The following ZFP37 variants were observed in gnomAD, a reference collection of about 807,000 sequenced individuals.
The protein encoded by ZFP37 is ZFP37 zinc finger protein.
Under a neutral mutation model 52.1 loss-of-function variants are expected in ZFP37, and 38 were observed. The observed-to-expected ratio is 0.73, with a 90% CI of 0.56 to 0.96. The LOEUF (loss-of-function observed/expected upper bound fraction) is 0.96, where lower values mean the gene tolerates loss of function less well. ZFP37 is among the 40% of genes least tolerant of loss of function. The pLI is 0.00. For synonymous variants in ZFP37, 253 were observed against 259.5 expected (o/e 0.98, Z 0.24); for missense variants, 695 against 741.4 (o/e 0.94, Z 0.73).
Position 113,042,745 on chromosome 9 carries a change from C to A in ZFP37, c.1873G>T (p.Glu625Ter). 1 of 1,573,092 alleles carries A rather than the reference C, an allele frequency of 6.4e-7. No homozygotes were observed. Among genetic ancestry groups the A allele is most frequent in the South Asian group, 1.2e-5 (1 of 84,380 alleles). Residue 625 changes from glutamate (E) to a stop codon, truncating the protein, a stop_gained, in exon 4 of 4, where the codon GAA becomes TAA. Transcript: ENST00000374227. LOFTEE classifies it high-confidence loss of function. Reference sequence around the variant, plus strand: ...TAACTTCACTCATGAGATTTATCTTCTGAATGAGTTTTCACATGTTTGGTT... The same window carrying A: ...TAACTTCACTCATGAGATTTATCTTATGAATGAGTTTTCACATGTTTGGTT... ...SLTKHVKTHS[E>*]DKSHE
Position 113,043,116 on chromosome 9 carries a change from C to G in ZFP37, c.1502G>C (p.Ser501Thr), listed in dbSNP as rs769637301. ...CNECGKAFGH[S>T]SSLTYHMRTH... The stretch of plus-strand genomic sequence containing the variant: ...TCTCATATGGTAAGTAAGAGATGAG[C>G]TATGTCCAAAGGCTTTTCCACACTC... Residue 501 changes from serine (S) to threonine (T), a missense_variant, in exon 4 of 4, where the codon AGC (serine) becomes ACC (threonine). Ser to Thr is a moderately conservative substitution (Grantham distance 58). Around this residue, in one of 2 missense-constraint regions of ZFP37, gnomAD observed 326 missense variants for 400.5 expected, o/e 0.81. Transcript: ENST00000374227. 2 of 1,613,584 alleles carry G rather than the reference C, an allele frequency of 1.2e-6. No individual in the cohort carries two copies. Among genetic ancestry groups the G allele is most frequent in the Non-Finnish European group, 1.7e-6 (2 of 1,179,924 alleles).
At chr9:113,049,946 A>T in intron 1 of ZFP37, 74 bp from the exon 2 acceptor site, 1 of 1,604,132 alleles carries the variant, frequency 6.2e-7, no homozygotes, top group Non-Finnish European at 8.5e-7. Context: ...GTTCATGCTA[A>T]TGTTATCCAC....
chr9:113,042,952 G>A lies in ZFP37; in HGVS notation c.1666C>T (p.Gln556Ter). ...ECNECGKAFS[Q>*]KSHLIVHQRT... ...TGATGTACAATGAGGTGAGACTTTT[G>A]GCTAAAGGCTTTCCCACATTCATTA... The change falls in exon 4 of 4, where the codon CAA becomes TAA. Residue 556 changes from glutamine to a stop codon, truncating the protein, a stop_gained. Coordinates refer to ENST00000374227, the MANE Select transcript of ZFP37 (RefSeq NM_003408.3). LOFTEE classifies it high-confidence loss of function. The A allele has an allele frequency of 6.2e-7, 1 of 1,613,606 alleles. No homozygotes were observed.
Position 113,038,377 on chromosome 9 carries a change from T to G in ZFP37, c.*4348A>C, listed in dbSNP as rs1220253616. 6.6e-6 allele frequency: 1 copy of G among 152,166 alleles called. No homozygotes were observed. The highest frequency in any genetic ancestry group is 1.5e-5 in the Non-Finnish European group (1 of 68,022). The allele number at this position is 152,166 out of a possible 1,614,324, so 9.4% of individuals were successfully genotyped here. A position where few individuals can be genotyped will look rare whatever the true frequency, so the allele number is the denominator to read the frequency against. ...TTAAATTAAAATCCTAATGTGCATA[T>G]AGTTTTGTAAACTGTTTTTTATTTA... On this transcript the variant is annotated 3_prime_UTR_variant, in exon 4 of 4. Transcript: ENST00000374227.
At position 113,047,275 on chromosome 9, in the gene ZFP37, T is replaced by C. The variant is rs970699063; in HGVS notation, c.349+2087A>G. Among the ~76,000 whole-genome samples, 11 of 152,354 alleles carry C rather than the reference T, an allele frequency of 7.2e-5. No individual in the cohort carries two copies. The East Asian group carries it at 1.2e-3, about 16-fold the overall frequency. ...ATTAATGGATGAATCAGAAACTCCA[T>C]TGAGTCTCTTCATTTGTCATTTGAA... On this transcript the variant is annotated intron_variant, in intron 3 of 3. Coordinates refer to ENST00000374227, the MANE Select transcript of ZFP37 (RefSeq NM_003408.3).
intron 2 of ZFP37, 136 bp downstream of exon 2, chr9:113,049,655 G>T: frequency 7.0e-7 from 1 of 1,421,306 alleles, no homozygotes; most frequent in African/African-American, 1.4e-5. Context: ...GGAGGCAGGG[G>T]CACAAATATC....
intron 1 of ZFP37, among the ~76,000 whole-genome samples, chr9:113,055,522 A>G (rs1229675178): frequency 1.3e-5 from 2 of 152,216 alleles, no homozygotes; most frequent in African/African-American, 4.8e-5. Context: ...ACTGCAAAAC[A>G]ACAACACCAA....
chr9:113,045,106 C>A (rs1302561449), intron 3 of ZFP37, among the ~76,000 whole-genome samples: 1 of 151,674 alleles, frequency 6.6e-6, no homozygotes. Flanking sequence ...TTATTATATC[C>A]AAAAAAGCCA....
Position 113,044,119 on chromosome 9 carries a change from G to T in ZFP37, c.499C>A (p.His167Asn), listed in dbSNP as rs938722574. Reference sequence around the variant, plus strand: ...AGAAGCCTTTTCTTTGAAGGAACATGTTTTTTATGCAAATTATTTTTTTTC... The same window carrying T: ...AGAAGCCTTTTCTTTGAAGGAACATTTTTTTTATGCAAATTATTTTTTTTC... ...LGKKNNLHKK[H>N]VPSKKRLLKF... The change falls in exon 4 of 4, where the codon CAT (histidine) becomes AAT (asparagine). Residue 167 changes from histidine to asparagine, a missense_variant. Physicochemically the swap from His to Asn is moderately conservative, Grantham distance 68. Coordinates refer to ENST00000374227, the MANE Select transcript of ZFP37 (RefSeq NM_003408.3). 6.2e-7 allele frequency: 1 copy of T among 1,611,310 alleles called. No individual in the cohort carries two copies. Among genetic ancestry groups the T allele is most frequent in the African/African-American group, 1.3e-5 (1 of 74,758 alleles).
rs1443009038 is a variant in ZFP37, at chr9:113,040,886, G to GTACT, written c.*1835_*1838dup. 5.9e-5 allele frequency: 9 copies of GTACT among 152,208 alleles called. No individual in the cohort carries two copies. The highest frequency in any genetic ancestry group is 2.2e-4 in the African/African-American group (9 of 41,544). 9.4% of individuals were successfully genotyped at this position (152,208 alleles called of 1,614,324 possible). A position where few individuals can be genotyped will look rare whatever the true frequency, so the allele number is the denominator to read the frequency against. On this transcript the variant is annotated 3_prime_UTR_variant, in exon 4 of 4. Coordinates refer to ENST00000374227, the MANE Select transcript of ZFP37 (RefSeq NM_003408.3). ...TATGATGTTTTTGAAAACCATTTCT[G>GTACT]TACTTATGTCTCTGCTTTTAGTGTA...
intron 1 of ZFP37, among the ~76,000 whole-genome samples, chr9:113,051,735 G>A (rs992906794): frequency 6.6e-6 from 1 of 152,090 alleles, no homozygotes; most frequent in African/African-American, 2.4e-5. Flanking sequence ...GATTACAGAT[G>A]TCAGCCACTG....
rs754648271 is a variant in ZFP37, at chr9:113,056,602, C to T, written c.87G>A (p.Gly29=). Residue 29 remains glycine (G), a synonymous_variant, in exon 1 of 4, where the codon GGG becomes GGA. Coordinates refer to ENST00000374227, the MANE Select transcript of ZFP37 (RefSeq NM_003408.3). ...CGGACACAGCCATCTCCAGTGGTCG[C>T]CCGGCCTCTTTGGTCGTTTCCGCAC... ...RRSAETTKEA[G]RPLEMAVSEP... is the part of the protein sequence containing the mutation. 1.2e-6 allele frequency: 2 copies of T among 1,613,980 alleles called. No homozygotes were observed. The highest frequency in any genetic ancestry group is 2.2e-5 in the South Asian group (2 of 91,082).
In ZFP37 at chr9:113,043,760, A is replaced by G. The variant is rs752277645; in HGVS notation, c.858T>C (p.Pro286=). The stretch of plus-strand genomic sequence containing the variant: ...ATTCATAGGGTTTCACACAAGCTTG[A>G]GGTTTTTCATGCTTAGTAGATGAGC... ...SLSSSTKHEK[P]QACVKPYECN... Residue 286 remains proline, a synonymous_variant, in exon 4 of 4, where the codon CCT becomes CCC. Coordinates refer to ENST00000374227, the MANE Select transcript of ZFP37 (RefSeq NM_003408.3). The G allele has an allele frequency of 6.2e-7, 1 of 1,613,988 alleles. No individual in the cohort carries two copies. The highest frequency in any genetic ancestry group is 1.7e-5 in the Admixed American group (1 of 60,008).
intron 1 of ZFP37, 143 bp from the exon 2 acceptor site, chr9:113,050,015 G>C: frequency 2.3e-6 from 3 of 1,300,130 alleles, no homozygotes; most frequent in Non-Finnish European, 3.1e-6. Flanking sequence ...ACTCACTGTT[G>C]ATCATGATAT....
chr9:113,043,333 C>G lies in ZFP37; in HGVS notation c.1285G>C (p.Gly429Arg). The G allele has an allele frequency of 6.2e-7, 1 of 1,614,070 alleles. No homozygotes were observed. The highest frequency in any genetic ancestry group is 8.5e-7 in the Non-Finnish European group (1 of 1,179,980). ...TCATTGCATTCATATGGTATTTCAC[C>G]TGTATGTGTTCTCACATGTTCGGTA... ...SLTEHVRTHT[G>R]EIPYECNECG... The change falls in exon 4 of 4, where the codon GGT becomes CGT. Residue 429 changes from glycine to arginine, a missense_variant. Around this residue, in one of 2 missense-constraint regions of ZFP37, gnomAD observed 326 missense variants for 400.5 expected, o/e 0.81. Transcript: ENST00000374227.
In ZFP37 at chr9:113,056,644, G is replaced by T. The variant is rs776761438; in HGVS notation, c.45C>A (p.Thr15=). 19 of 1,613,862 alleles carry T rather than the reference G, an allele frequency of 1.2e-5. 1 individual carries two copies. The highest frequency in any genetic ancestry group is 1.5e-5 in the Non-Finnish European group (18 of 1,179,936). ...SGVQILTKPE[T]VDRRRSAETT... ...TTTCCGCACTTCTCCTCCGGTCCAC[G>T]GTCTCTGGCTTTGTCAGAATCTGGA... is the stretch of plus-strand genomic sequence containing the variant. Residue 15 remains threonine, a synonymous_variant, in exon 1 of 4, where the codon ACC becomes ACA. Transcript: ENST00000374227.
At position 113,042,979 on chromosome 9, in the gene ZFP37, A is replaced by G. The variant is rs1265390136; in HGVS notation, c.1639T>C (p.Cys547Arg). Residue 547 changes from cysteine to arginine, a missense_variant, in exon 4 of 4, where the codon TGT becomes CGT. Around this residue, in one of 2 missense-constraint regions of ZFP37, gnomAD observed 326 missense variants for 400.5 expected, o/e 0.81. Transcript: ENST00000374227. ...RVHTGEKPYE[C>R]NECGKAFSQK... is the part of the protein sequence containing the mutation. Reference sequence around the variant, plus strand: ...CTAAAGGCTTTCCCACATTCATTACACTCATACGGTTTCTCTCCAGTATGA... The same window carrying G: ...CTAAAGGCTTTCCCACATTCATTACGCTCATACGGTTTCTCTCCAGTATGA... 6.2e-7 allele frequency: 1 copy of G among 1,613,778 alleles called. No homozygotes were observed. Among genetic ancestry groups the G allele is most frequent in the African/African-American group, 1.3e-5 (1 of 74,898 alleles).
intron 1 of ZFP37, among the ~76,000 whole-genome samples, chr9:113,050,448 C>T (rs892192515): frequency 4.5e-5 from 6 of 133,378 alleles, no homozygotes; most frequent in Admixed American, 8.7e-5. Context: ...ACGTGCATAT[C>T]GGAGAGAAAG....
In ZFP37 at chr9:113,038,452, C is replaced by T. The variant is rs987216704; in HGVS notation, c.*4273G>A. ...TTGTACAACATCCATTTTTCAATGC[C>T]CATGTCTCTTTATTTCCTTTACTAT... is the stretch of plus-strand genomic sequence containing the variant. On this transcript the variant is annotated 3_prime_UTR_variant, in exon 4 of 4. Coordinates refer to ENST00000374227, the MANE Select transcript of ZFP37 (RefSeq NM_003408.3). The T allele has an allele frequency of 1.3e-5, 2 of 151,544 alleles. No homozygotes were observed. Among genetic ancestry groups the T allele is most frequent in the Admixed American group, 1.3e-4 (2 of 15,196 alleles). The allele number at this position is 151,544 out of a possible 1,614,324, so 9.4% of individuals were successfully genotyped here.
Sources: allele counts gnomAD v4.1 joint callset (sites outside exome capture counted in the v4.1 genomes callset), GRCh38; gene constraint gnomAD v4.1.1; regional missense constraint gnomAD v4.1.1; transcripts MANE v1.5; gene names NCBI Gene and HGNC (gene_info 2026-07-23, HGNC 2026-07-21).